The following ESRRG variants were observed in gnomAD, a reference collection of about 807,000 sequenced individuals.
ESRRG encodes the protein estrogen related receptor gamma.
Under a neutral mutation model 44.0 loss-of-function variants are expected in ESRRG, and 13 were observed. The ratio of observed to expected loss-of-function variants is 0.30; its 90% CI spans 0.19 to 0.47. The LOEUF is 0.47. Among genes scored for constraint, ESRRG ranks in the 20% least tolerant of loss-of-function variants. ESRRG has a pLI of 1.00. For synonymous variants in ESRRG, 215 were observed against 214.6 expected, an observed-to-expected ratio of 1.00 and a Z score of -0.02; for missense variants, 395 against 580.6, an observed-to-expected ratio of 0.68 and a Z score of 3.29.
chr1:217,057,302 T>C (rs978601820), intron 1 of ESRRG, among the ~76,000 whole-genome samples: 4 of 152,286 alleles, frequency 2.6e-5, no homozygotes, highest in African/African-American at 9.6e-5. Flanking sequence ...TCCTGAATCA[T>C]ACCTCATTCT....
chr1:216,922,754 C>T (rs1049713560), intron 2 of ESRRG, among the ~76,000 whole-genome samples: 6 of 152,200 alleles, frequency 3.9e-5, no homozygotes, highest in Non-Finnish European at 7.3e-5. Flanking sequence ...TGAACCACAA[C>T]TGCAACACAT....
intron 2 of ESRRG, among the ~76,000 whole-genome samples, chr1:216,829,284 C>T (rs1358160664): frequency 6.6e-6 from 1 of 151,976 alleles, no homozygotes; most frequent in Non-Finnish European, 1.5e-5. Context: ...TCTTTGAGGA[C>T]AAGAGGGGTG....
At chr1:216,862,126 T>C (rs2096063620) in intron 2 of ESRRG, 1 of 152,094 alleles carries the variant, frequency 6.6e-6, no homozygotes, top group African/African-American at 2.4e-5. Flanking sequence ...AGCTTGACAG[T>C]TTTCTGAAAA....
chr1:216,811,435 A>G (rs1366233103), intron 2 of ESRRG, among the ~76,000 whole-genome samples: 1 of 152,192 alleles, frequency 6.6e-6, no homozygotes, highest in Non-Finnish European at 1.5e-5. Flanking sequence ...ATGCTCAAAA[A>G]AAATCACTCA....
chr1:216,523,430 C>T lies in ESRRG; in HGVS notation c.863-4009G>A, dbSNP rs937612992. On this transcript the variant is annotated intron_variant, in intron 5 of 6. Transcript: ENST00000408911. ...AGCATGTTTTGTGCCAACCGTCTTGCCTTCTTCTACTGGAAACTTTGGAGG... is the reference window on the plus strand; with the variant it reads ...AGCATGTTTTGTGCCAACCGTCTTGTCTTCTTCTACTGGAAACTTTGGAGG... Among the ~76,000 whole-genome samples the T allele has an allele frequency of 2.6e-5, 4 of 151,632 alleles. No individual in the cohort carries two copies. In the South Asian group the frequency reaches 8.3e-4, roughly 32 times the overall value.
intron 2 of ESRRG, among the ~76,000 whole-genome samples, chr1:216,672,791 C>T (rs2075428305): frequency 6.6e-6 from 1 of 152,046 alleles, no homozygotes; most frequent in South Asian, 2.1e-4. Context: ...CACTTGAGCC[C>T]AGGAGGTGGA....
At chr1:217,011,833 GC>G (rs974787056) in intron 1 of ESRRG, among the ~76,000 whole-genome samples, 8 of 152,068 alleles carry the variant, frequency 5.3e-5, no homozygotes, top group Non-Finnish European at 1.2e-4. Context: ...GCCCACCTCA[GC>G]CTGGATGTCT....
At chr1:216,549,045 G>T (rs11117613) in intron 5 of ESRRG, among the ~76,000 whole-genome samples, 43,188 of 151,956 alleles carry the variant, frequency 0.28, 7,241 homozygotes, top group Admixed American at 0.39. Context: ...TGACAAATCT[G>T]TCAAGACAAA....
At chr1:216,958,216 A>G (rs2068338341) in intron 1 of ESRRG, among the ~76,000 whole-genome samples, 1 of 152,196 alleles carries the variant, frequency 6.6e-6, no homozygotes, top group East Asian at 1.9e-4. Flanking sequence ...CATTTTAGCT[A>G]TATGAATAAA....
chr1:216,695,720 T>C (rs896973823), intron 1 of ESRRG, among the ~76,000 whole-genome samples: 3 of 152,124 alleles, frequency 2.0e-5, no homozygotes, highest in Admixed American at 6.5e-5. Flanking sequence ...ATCTTATGAG[T>C]TTCTATGTCT....
chr1:216,933,294 C>A (rs1480801933), intron 2 of ESRRG, among the ~76,000 whole-genome samples: 1 of 152,206 alleles, frequency 6.6e-6, no homozygotes, highest in East Asian at 1.9e-4. Context: ...AAACCATTGG[C>A]CTAATTTAAT....
chr1:216,818,304 G>C (rs1032445607), intron 2 of ESRRG, among the ~76,000 whole-genome samples: 1 of 152,214 alleles, frequency 6.6e-6, no homozygotes, highest in Non-Finnish European at 1.5e-5. Context: ...AAGAGCTAAG[G>C]TTGGCATTTT....
chr1:216,650,758 A>G lies in ESRRG; in HGVS notation c.589+215T>C, dbSNP rs374101411. ...AAGCATACCTGGTGTGTTTCGCTGTACATCAGATCCTCCTACCTTGTCCCT... is the reference window on the plus strand; with the variant it reads ...AAGCATACCTGGTGTGTTTCGCTGTGCATCAGATCCTCCTACCTTGTCCCT... On this transcript the variant is annotated intron_variant, in intron 3 of 6. Transcript: ENST00000408911. Among the ~76,000 whole-genome samples the G allele has an allele frequency of 3.0e-4, 45 of 152,310 alleles. 1 individual carries two copies. The East Asian group carries it at 7.9e-3, about 27-fold the overall frequency.
At chr1:216,674,604 C>A (rs567918250) in intron 2 of ESRRG, among the ~76,000 whole-genome samples, 1 of 138,218 alleles carries the variant, frequency 7.2e-6, no homozygotes, top group African/African-American at 2.7e-5. Context: ...AGAAATTGTG[C>A]TTTGGGTAAA....
chr1:216,765,645 T>C (rs1244444937), intron 2 of ESRRG, among the ~76,000 whole-genome samples: 9 of 152,012 alleles, frequency 5.9e-5, no homozygotes, highest in Admixed American at 5.2e-4. Flanking sequence ...AGCAAACAAA[T>C]AGAGGACATA....
intron 2 of ESRRG, among the ~76,000 whole-genome samples, chr1:216,748,862 C>T (rs951511622): frequency 6.6e-6 from 1 of 152,070 alleles, no homozygotes; most frequent in Admixed American, 6.6e-5. Context: ...AGTGTGGTCT[C>T]CTTGGGGGCA....
intron 3 of ESRRG, among the ~76,000 whole-genome samples, chr1:216,583,547 A>G (rs1001241913): frequency 6.6e-6 from 1 of 152,204 alleles, no homozygotes; most frequent in Non-Finnish European, 1.5e-5. Flanking sequence ...CTCCCTCTAC[A>G]GGGGCTTCAT....
chr1:216,893,932 T>G (rs1473300712), intron 2 of ESRRG, among the ~76,000 whole-genome samples: 1 of 152,228 alleles, frequency 6.6e-6, no homozygotes, highest in Non-Finnish European at 1.5e-5. Context: ...AAATGCAATG[T>G]AATGTTTGAT....
intron 2 of ESRRG, among the ~76,000 whole-genome samples, chr1:216,896,069 C>A (rs1319413183): frequency 6.6e-6 from 1 of 152,180 alleles, no homozygotes; most frequent in Non-Finnish European, 1.5e-5. Context: ...TGATTGATTT[C>A]TTACATTACA....
Sources: allele counts gnomAD v4.1 joint callset (sites outside exome capture counted in the v4.1 genomes callset), GRCh38; gene constraint gnomAD v4.1.1; transcripts MANE v1.5; gene names NCBI Gene and HGNC (gene_info 2026-07-23, HGNC 2026-07-21).